MALRD1: variants seen among roughly 807,000 people sequenced by gnomAD.
MALRD1 encodes MAM and LDL-receptor class A domain-containing protein 1.
MALRD1 carries 247 observed loss-of-function variants against 242.1 expected under a neutral mutation model. That is an observed-to-expected ratio of 1.02 (90% CI 0.92 to 1.13). The LOEUF (loss-of-function observed/expected upper bound fraction) is 1.13, where lower values mean the gene tolerates loss of function less well. Ranked by LOEUF, MALRD1 falls within the 50% of genes most tolerant of loss-of-function variation. The pLI is 0.00. For missense variants in MALRD1, 2,989 were observed against 2,533.1 expected (o/e 1.18, Z -3.86); for synonymous variants, 995 against 866.6 (o/e 1.15, Z -2.60).
In MALRD1 at chr10:19,241,514, T is replaced by C. The variant is rs75489943; in HGVS notation, c.2992-16170T>C. Among the ~76,000 whole-genome samples the C allele has an allele frequency of 6.5e-3, 995 of 152,258 alleles. 8 individuals carry two copies. The highest frequency in any genetic ancestry group is 0.023 in the African/African-American group (954 of 41,564). The stretch of plus-strand genomic sequence containing the variant: ...AGTTTTACCTTTACACTTTGTTTTA[T>C]TTATCTTTTGAAATATTTTTTAGTG... On this transcript the variant is annotated intron_variant, in intron 18 of 39. Transcript: ENST00000454679.
chr10:19,681,707 A>G (rs983957583), intron 36 of MALRD1, among the ~76,000 whole-genome samples: 2 of 151,938 alleles, frequency 1.3e-5, no homozygotes, highest in African/African-American at 4.8e-5. Flanking sequence ...CTTGCTAGAG[A>G]GGTGTTGTGA....
At position 19,209,132 on chromosome 10, in the gene MALRD1, G is replaced by A. The variant is rs146146560; in HGVS notation, c.2579-136G>A. 5.8e-4 allele frequency: 418 copies of A among 723,246 alleles called. 3 individuals carry two copies. The East Asian group carries it at 8.3e-3, about 14-fold the overall frequency. 44.8% of individuals were successfully genotyped at this position (723,246 alleles called of 1,614,324 possible). On this transcript the variant is annotated intron_variant, in intron 17 of 39. Transcript: ENST00000454679. Reference sequence around the variant, plus strand: ...TTTTAAAAAAAACACTTCAGTGTTGGATTTTAAAAATAAAATGGCTTACCT... The same window carrying A: ...TTTTAAAAAAAACACTTCAGTGTTGAATTTTAAAAATAAAATGGCTTACCT...
intron 33 of MALRD1, among the ~76,000 whole-genome samples, chr10:19,575,633 G>T (rs974924712): frequency 6.6e-5 from 10 of 152,058 alleles, no homozygotes; most frequent in African/African-American, 2.4e-4. Flanking sequence ...AAAATCTCTT[G>T]GTTATGAATA....
At chr10:19,156,779 A>C (rs1441685583) in intron 12 of MALRD1, among the ~76,000 whole-genome samples, 2 of 152,072 alleles carry the variant, frequency 1.3e-5, no homozygotes, top group African/African-American at 2.4e-5. Context: ...ATTTGTGGTC[A>C]CTGGGATTGA....
At chr10:19,493,206 C>T (rs1248715900) in intron 30 of MALRD1, 1 of 152,120 alleles carries the variant, frequency 6.6e-6, no homozygotes, top group Admixed American at 6.5e-5. Context: ...TCCTCTCCAT[C>T]TCTATAAAAG....
At chr10:19,396,522 T>A (rs1345393867) in intron 28 of MALRD1, among the ~76,000 whole-genome samples, 1 of 152,200 alleles carries the variant, frequency 6.6e-6, no homozygotes, top group Admixed American at 6.5e-5. Context: ...ATACTTTGTT[T>A]TCTAATTTTA....
chr10:19,499,409 A>T (rs1019477570), intron 31 of MALRD1, among the ~76,000 whole-genome samples: 1 of 151,792 alleles, frequency 6.6e-6, no homozygotes, highest in Non-Finnish European at 1.5e-5. Context: ...TGCCCTTCAT[A>T]ATGTGGCCTC....
chr10:19,205,244 C>G lies in MALRD1; in HGVS notation c.2557C>G (p.Arg853Gly). The part of the protein sequence containing the change: ...LCDLVDDCGD[R>G]TDEVNCAPEL... Reference sequence around the variant, plus strand: ...TGATCTGGTGGATGACTGTGGTGATCGTACTGATGAAGTCAACTGTGGTAA... The same window carrying G: ...TGATCTGGTGGATGACTGTGGTGATGGTACTGATGAAGTCAACTGTGGTAA... The change falls in exon 17 of 40, where the codon CGT becomes GGT. Residue 853 changes from arginine to glycine, a missense_variant. Arg to Gly is a moderately radical substitution (Grantham distance 125, BLOSUM62 -2). Coordinates refer to ENST00000454679, the MANE Select transcript of MALRD1 (RefSeq NM_001142308.3). 6.5e-7 allele frequency: 1 copy of G among 1,549,368 alleles called. No individual in the cohort carries two copies.
chr10:19,715,488 A>G (rs1417577639), intron 38 of MALRD1, among the ~76,000 whole-genome samples: 1 of 152,042 alleles, frequency 6.6e-6, no homozygotes, highest in Non-Finnish European at 1.5e-5. Context: ...GAAGAAAGTG[A>G]GTGAAAAAAT....
chr10:19,675,672 G>C (rs1337017802), intron 36 of MALRD1, among the ~76,000 whole-genome samples: 1 of 152,146 alleles, frequency 6.6e-6, no homozygotes, highest in African/African-American at 2.4e-5. Flanking sequence ...CTCCAAAAAA[G>C]TGCTTTGTTA....
chr10:19,281,922 C>A (rs557231747), intron 20 of MALRD1, among the ~76,000 whole-genome samples: 1 of 138,710 alleles, frequency 7.2e-6, no homozygotes, highest in African/African-American at 2.7e-5. Flanking sequence ...GAGATCGTGC[C>A]AATGCACTCT....
At chr10:19,048,356 C>T (rs534712392), upstream of MALRD1, among the ~76,000 whole-genome samples, 20 of 152,280 alleles carry the variant, frequency 1.3e-4, no homozygotes, top group African/African-American at 4.6e-4. Flanking sequence ...CACCCATGGG[C>T]TATAGACAGA....
At chr10:19,296,532 A>G (rs1841710710) in intron 21 of MALRD1, among the ~76,000 whole-genome samples, 1 of 152,042 alleles carries the variant, frequency 6.6e-6, no homozygotes, top group Non-Finnish European at 1.5e-5. Context: ...ATATCAAAAT[A>G]TTTTCTGGAG....
chr10:19,705,277 A>G (rs1363322469), intron 38 of MALRD1, among the ~76,000 whole-genome samples: 1 of 152,104 alleles, frequency 6.6e-6, no homozygotes, highest in Non-Finnish European at 1.5e-5. Flanking sequence ...AATCTTGCTT[A>G]CTCTATACCT....
intron 4 of MALRD1, among the ~76,000 whole-genome samples, chr10:19,099,167 C>A (rs565001709): frequency 6.6e-6 from 1 of 152,270 alleles, no homozygotes; most frequent in Non-Finnish European, 1.5e-5. Context: ...CAACTGCCGG[C>A]ATTCACCCGT....
At chr10:19,192,307 G>A (rs1167000183) in intron 14 of MALRD1, among the ~76,000 whole-genome samples, 1 of 152,134 alleles carries the variant, frequency 6.6e-6, no homozygotes, top group Non-Finnish European at 1.5e-5. Flanking sequence ...CTCCTAAGTT[G>A]TGCACTTAAA....
chr10:19,418,258 G>A lies in MALRD1; in HGVS notation c.4845+28649G>A, dbSNP rs185525566. ...ACTAGCTAGATAATAGATCAAATAT[G>A]CACCATTCCCCCCCACGCCCCCAAC... On this transcript the variant is annotated intron_variant, in intron 28 of 39. Transcript: ENST00000454679. Among the ~76,000 whole-genome samples the A allele has an allele frequency of 4.0e-5, 6 of 151,378 alleles. No homozygotes were observed. In the East Asian group the frequency reaches 1.2e-3, roughly 29 times the overall value.
chr10:19,153,642 T>A (rs1262848270), intron 11 of MALRD1, among the ~76,000 whole-genome samples: 1 of 151,554 alleles, frequency 6.6e-6, no homozygotes, highest in African/African-American at 2.4e-5. Flanking sequence ...TGAGCCATAA[T>A]CATGCTACTG....
intron 38 of MALRD1, among the ~76,000 whole-genome samples, chr10:19,700,962 A>G (rs898342002): frequency 6.6e-6 from 1 of 152,142 alleles, no homozygotes; most frequent in African/African-American, 2.4e-5. Flanking sequence ...ACCCTGGGCA[A>G]CATAGCAAAA....
Sources: allele counts gnomAD v4.1 joint callset (sites outside exome capture counted in the v4.1 genomes callset), GRCh38; gene constraint gnomAD v4.1.1; transcripts MANE v1.5; gene names NCBI Gene and HGNC (gene_info 2026-07-23, HGNC 2026-07-21).